Variants in RANBP17 observed in about 807,000 individuals in gnomAD.
RANBP17 encodes the protein ran-binding protein 17.
A neutral mutation model predicts 141.2 loss-of-function variants in RANBP17; 158 were observed. The ratio of observed to expected loss-of-function variants is 1.12; its 90% CI spans 0.98 to 1.28. RANBP17 has a LOEUF of 1.28. RANBP17 is among the 50% of genes most tolerant of loss of function. The pLI is 0.00. For missense variants in RANBP17, 1,438 were observed against 1,290.7 expected, an observed-to-expected ratio of 1.11 and a Z score of -1.75; for synonymous variants, 430 against 450.0, an observed-to-expected ratio of 0.96 and a Z score of 0.56.
intron 14 of RANBP17, among the ~76,000 whole-genome samples, chr5:171,042,955 T>C (rs1266545187): frequency 6.6e-6 from 1 of 152,118 alleles, no homozygotes; most frequent in Non-Finnish European, 1.5e-5. Flanking sequence ...ATAAATAAGA[T>C]TGTACTTAGT....
In RANBP17 at chr5:170,913,819, GT is replaced by G. The variant is rs936715199; in HGVS notation, c.761-338del. Among the ~76,000 whole-genome samples the G allele has an allele frequency of 8.7e-5, 13 of 148,582 alleles. No individual in the cohort carries two copies. In the East Asian group the frequency reaches 1.2e-3, roughly 13 times the overall value. Reference sequence around the variant, plus strand: ...AGCAGTTGGAATGGGATAGGGTACAGTTTTTTTTTTATTGTAAGCTTTTTAG... The same window carrying G: ...AGCAGTTGGAATGGGATAGGGTACAGTTTTTTTTTATTGTAAGCTTTTTAG... On this transcript the variant is annotated intron_variant, in intron 7 of 27. Transcript: ENST00000523189.
chr5:171,086,518 G>C (rs1353165187), intron 14 of RANBP17, among the ~76,000 whole-genome samples: 1 of 130,854 alleles, frequency 7.6e-6, no homozygotes, highest in African/African-American at 2.9e-5. Flanking sequence ...CTATTGATTG[G>C]AATAGTTTCA....
At chr5:170,935,576 C>T (rs1006795328) in intron 12 of RANBP17, among the ~76,000 whole-genome samples, 4 of 152,172 alleles carry the variant, frequency 2.6e-5, no homozygotes, top group Admixed American at 6.5e-5. Flanking sequence ...TGGAGGTCCA[C>T]TCCAGACCCT....
At chr5:171,288,022 T>G (rs918955473) in intron 25 of RANBP17, among the ~76,000 whole-genome samples, 2 of 152,242 alleles carry the variant, frequency 1.3e-5, no homozygotes, top group African/African-American at 4.8e-5. Flanking sequence ...GGAAATTGGC[T>G]TAATTTACTA....
chr5:171,130,322 T>G (rs1756809921), intron 14 of RANBP17, among the ~76,000 whole-genome samples: 1 of 152,100 alleles, frequency 6.6e-6, no homozygotes, highest in Non-Finnish European at 1.5e-5. Flanking sequence ...TTAGAAAATG[T>G]CATTCATCAT....
chr5:171,069,360 T>C (rs554573511), intron 14 of RANBP17, among the ~76,000 whole-genome samples: 4 of 152,302 alleles, frequency 2.6e-5, no homozygotes, highest in Admixed American at 1.3e-4. Flanking sequence ...AATGCTGAAA[T>C]TTACCAGCTT....
At chr5:171,092,760 A>G (rs1786397365) in intron 14 of RANBP17, among the ~76,000 whole-genome samples, 1 of 152,196 alleles carries the variant, frequency 6.6e-6, no homozygotes, top group Admixed American at 6.5e-5. Flanking sequence ...TCTAGGAAAC[A>G]CAGTTGTTAT....
intron 14 of RANBP17, among the ~76,000 whole-genome samples, chr5:171,038,618 T>A (rs1308691560): frequency 1.3e-5 from 2 of 152,130 alleles, no homozygotes; most frequent in African/African-American, 4.8e-5. Flanking sequence ...TGAGGTATGA[T>A]CCTTTGATGC....
intron 22 of RANBP17, among the ~76,000 whole-genome samples, chr5:171,236,856 CA>C (rs1178094358): frequency 1.3e-5 from 2 of 152,110 alleles, no homozygotes; most frequent in African/African-American, 4.8e-5. Flanking sequence ...GGATTCAGGC[CA>C]GGTCAGTATG....
Position 171,098,932 on chromosome 5 carries a change from T to G in RANBP17, c.1711-71198T>G, listed in dbSNP as rs931907545. Among the ~76,000 whole-genome samples, 6 of 152,150 alleles carry G rather than the reference T, an allele frequency of 3.9e-5. No homozygotes were observed. The East Asian group carries it at 1.2e-3, about 29-fold the overall frequency. On this transcript the variant is annotated intron_variant, in intron 14 of 27. Transcript: ENST00000523189. ...GTTAAAAATCAGATGGTTGTAGATG[T>G]GTTATTTCTGAGGGCTCTGTTCTGT...
chr5:171,178,435 G>A (rs954885940), intron 16 of RANBP17, among the ~76,000 whole-genome samples: 9 of 152,064 alleles, frequency 5.9e-5, no homozygotes, highest in Non-Finnish European at 1.3e-4. Context: ...GGGCATTTGG[G>A]TTGGTTCCAA....
At chr5:171,091,690 C>G (rs1786292356) in intron 14 of RANBP17, among the ~76,000 whole-genome samples, 1 of 152,102 alleles carries the variant, frequency 6.6e-6, no homozygotes, top group East Asian at 1.9e-4. Flanking sequence ...CAGATCTTTC[C>G]CATGCTGTTC....
At chr5:171,179,258 T>C (rs1255737818) in intron 16 of RANBP17, among the ~76,000 whole-genome samples, 1 of 152,160 alleles carries the variant, frequency 6.6e-6, no homozygotes, top group East Asian at 1.9e-4. Context: ...CTAATTAGTA[T>C]AGTTTTTGGC....
At chr5:170,922,509 C>G (rs1395439826) in intron 11 of RANBP17, among the ~76,000 whole-genome samples, 1 of 152,162 alleles carries the variant, frequency 6.6e-6, no homozygotes, top group Non-Finnish European at 1.5e-5. Flanking sequence ...GTGAGCTATT[C>G]AAGCCTCAGC....
intron 5 of RANBP17, among the ~76,000 whole-genome samples, chr5:170,897,770 T>G (rs1435330936): frequency 1.3e-5 from 2 of 152,200 alleles, no homozygotes; most frequent in African/African-American, 4.8e-5. Flanking sequence ...TCGTATTCCA[T>G]GGTGTATATG....
At chr5:171,195,405 A>G (rs896119641) in intron 18 of RANBP17, among the ~76,000 whole-genome samples, 2 of 152,244 alleles carry the variant, frequency 1.3e-5, no homozygotes, top group Non-Finnish European at 1.5e-5. Context: ...AGTTGTTTGC[A>G]TGATATAAAC....
intron 14 of RANBP17, among the ~76,000 whole-genome samples, chr5:171,149,881 C>A (rs1038041204): frequency 6.6e-6 from 1 of 152,146 alleles, no homozygotes; most frequent in African/African-American, 2.4e-5. Context: ...CAGCGATCTC[C>A]TCTGTAGACT....
chr5:170,947,522 A>T (rs956846325), intron 12 of RANBP17, among the ~76,000 whole-genome samples: 4 of 152,210 alleles, frequency 2.6e-5, no homozygotes, highest in Admixed American at 6.5e-5. Flanking sequence ...TGTATTATCT[A>T]TTACCAGAAC....
intron 17 of RANBP17, 31 bp from the exon 18 acceptor site, chr5:171,183,291 G>C (rs756630937): frequency 1.9e-6 from 3 of 1,583,878 alleles, no homozygotes; most frequent in African/African-American, 1.3e-5. Context: ...TAAAGTGTTA[G>C]TAACTTGGAT....
Sources: allele counts gnomAD v4.1 joint callset (sites outside exome capture counted in the v4.1 genomes callset), GRCh38; gene constraint gnomAD v4.1.1; transcripts MANE v1.5; gene names NCBI Gene and HGNC (gene_info 2026-07-23, HGNC 2026-07-21).